CFAP92: variants seen among roughly 807,000 people sequenced by gnomAD.
The protein encoded by CFAP92 is uncharacterized protein CFAP92.
In CFAP92, 86 loss-of-function variants were observed where a neutral mutation model predicts 106.3. That is an observed-to-expected ratio of 0.81 (90% CI 0.68 to 0.97). The LOEUF is 0.97. CFAP92 is among the 50% of genes least tolerant of loss of function. The pLI is 0.00. For missense variants in CFAP92, 1,204 were observed against 1,283.8 expected (o/e 0.94, Z 0.95); for synonymous variants, 477 against 506.4 (o/e 0.94, Z 0.78).
intron 3 of CFAP92, 149 bp downstream of exon 3, chr3:128,988,579 A>G (rs1944008897): frequency 1.4e-6 from 1 of 710,464 alleles, no homozygotes; most frequent in Non-Finnish European, 2.3e-6. Context: ...TGATCAGGCC[A>G]GTGCAGATTC....
At chr3:128,993,384 C>T in intron 1 of CFAP92, 48 bp from the exon 2 acceptor site, 1 of 1,523,674 alleles carries the variant, frequency 6.6e-7, no homozygotes, top group Non-Finnish European at 8.8e-7. Context: ...TCCAGGGCTG[C>T]TCCAGGAGGT....
chr3:129,008,413 T>C, the CFAP92 span, among the ~76,000 whole-genome samples: 7 of 152,236 alleles, frequency 4.6e-5, no homozygotes, highest in African/African-American at 1.7e-4. Context: ...CTCTATATTC[T>C]TTTAAATAGT....
intron 10 of CFAP92, among the ~76,000 whole-genome samples, chr3:128,938,643 A>G (rs945658106): frequency 9.9e-5 from 15 of 151,670 alleles, no homozygotes; most frequent in East Asian, 5.8e-4. Context: ...ACAGGCGCCC[A>G]CCACCACGCC....
chr3:128,921,830 A>G (rs1158461503), intron 12 of CFAP92, among the ~76,000 whole-genome samples: 1 of 152,110 alleles, frequency 6.6e-6, no homozygotes, highest in Non-Finnish European at 1.5e-5. Context: ...CCTTACAAAC[A>G]TACAACAATT....
At chr3:129,019,767 T>TTTC in the CFAP92 span, among the ~76,000 whole-genome samples, 1 of 146,308 alleles carries the variant, frequency 6.8e-6, no homozygotes, top group Non-Finnish European at 1.5e-5. Context: ...AAATTTACTT[T>TTTC]TTTTTTTTTT....
intron 2 of CFAP92, among the ~76,000 whole-genome samples, chr3:128,989,450 T>C (rs977751905): frequency 6.6e-6 from 1 of 152,096 alleles, no homozygotes; most frequent in African/African-American, 2.4e-5. Context: ...GGAGCAAAGC[T>C]GGCAGATATT....
the CFAP92 span, among the ~76,000 whole-genome samples, chr3:129,012,931 C>T: frequency 6.6e-6 from 1 of 152,072 alleles, no homozygotes; most frequent in African/African-American, 2.4e-5. Context: ...GGGCCTGGCG[C>T]ATGGATGGTT....
chr3:128,947,904 CAG>C (rs922394498), intron 9 of CFAP92, among the ~76,000 whole-genome samples: 4 of 149,564 alleles, frequency 2.7e-5, no homozygotes, highest in Admixed American at 2.0e-4. Context: ...GAGAAGAAAA[CAG>C]AAAAAAAAAA....
At chr3:128,986,077 G>A (rs151017174) in intron 4 of CFAP92, among the ~76,000 whole-genome samples, 18 of 152,284 alleles carry the variant, frequency 1.2e-4, no homozygotes, top group African/African-American at 4.3e-4. Flanking sequence ...GAAGTTCCAA[G>A]CCTCCAAGGT....
chr3:129,004,262 T>C (rs1050972964), upstream of CFAP92, among the ~76,000 whole-genome samples: 2 of 152,192 alleles, frequency 1.3e-5, no homozygotes, highest in African/African-American at 4.8e-5. Context: ...GCTCCATTGC[T>C]TGCTCTGCAA....
At chr3:128,932,613 C>G (rs1938521846) in intron 12 of CFAP92, 87 bp downstream of exon 12, 22 of 1,323,304 alleles carry the variant, frequency 1.7e-5, no homozygotes, top group East Asian at 1.0e-4. Context: ...ATGTCCCACT[C>G]AGGAATATGC....
At chr3:129,022,623 C>T in the CFAP92 span, among the ~76,000 whole-genome samples, 5 of 152,172 alleles carry the variant, frequency 3.3e-5, no homozygotes, top group Admixed American at 6.5e-5. Flanking sequence ...AACACCCAAC[C>T]GCACACAAGG....
chr3:129,004,179 C>T, upstream of CFAP92: 3 of 1,279,500 alleles, frequency 2.3e-6, no homozygotes, highest in Non-Finnish European at 3.0e-6. Flanking sequence ...TCGTGTTCCG[C>T]AGTTTCTCCA....
chr3:128,934,984 C>T (rs761832815), intron 11 of CFAP92, 141 bp downstream of exon 11: 639 of 587,538 alleles, frequency 1.1e-3, no homozygotes, highest in Non-Finnish European at 1.1e-3. Context: ...AGCATCTGGG[C>T]GGATGGTCCT....
At chr3:128,942,916 CTTTTTTT>C (rs36073693) in intron 10 of CFAP92, among the ~76,000 whole-genome samples, 4 of 84,950 alleles carry the variant, frequency 4.7e-5, no homozygotes, top group East Asian at 4.3e-4. Context: ...AAAACTCAAC[CTTTTTTT>C]TTTTTTTTTT....
At chr3:129,026,282 A>T in the CFAP92 span, among the ~76,000 whole-genome samples, 370 of 152,350 alleles carry the variant, frequency 2.4e-3, 8 homozygotes, top group Admixed American at 0.021. Flanking sequence ...GCCAGGAAAC[A>T]TTTAAACAGG....
At chr3:128,926,600 T>C (rs186210947) in intron 12 of CFAP92, among the ~76,000 whole-genome samples, 23 of 151,772 alleles carry the variant, frequency 1.5e-4, no homozygotes, top group Non-Finnish European at 1.8e-4. Flanking sequence ...TTCTAGACAA[T>C]GCAAAGGGAG....
chr3:129,026,001 C>G, the CFAP92 span, among the ~76,000 whole-genome samples: 2 of 152,360 alleles, frequency 1.3e-5, no homozygotes, highest in East Asian at 3.9e-4. Context: ...CAGACCCCAC[C>G]TCTCCCGCGG....
At chr3:128,958,639 A>G (rs1941630556) in intron 9 of CFAP92, among the ~76,000 whole-genome samples, 1 of 152,198 alleles carries the variant, frequency 6.6e-6, no homozygotes, top group South Asian at 2.1e-4. Flanking sequence ...TGTGGCTTAC[A>G]CCTATAATCC....
Sources: gnomAD v4.1 joint callset for allele counts (sites outside exome capture counted in the v4.1 genomes callset) on GRCh38, gnomAD v4.1.1 for gene constraint, MANE v1.5 for transcripts, NCBI Gene and HGNC (gene_info 2026-07-23, HGNC 2026-07-21) for gene names.